The following OLA1 variants were observed in gnomAD, a reference collection of about 807,000 sequenced individuals.
OLA1 encodes the protein Obg like ATPase 1, also known as obg-like ATPase 1.
OLA1 carries 14 observed loss-of-function variants against 48.4 expected under a neutral mutation model. That is an observed-to-expected ratio of 0.29 (90% CI 0.19 to 0.45). The LOEUF is 0.45. Ranked by LOEUF, OLA1 falls within the 20% of genes least tolerant of loss-of-function variation. OLA1 has a pLI of 1.00. For missense variants in OLA1, 325 were observed against 467.1 expected (o/e 0.70, Z 2.80); for synonymous variants, 127 against 150.4 (o/e 0.84, Z 1.14).
intron 4 of OLA1, among the ~76,000 whole-genome samples, chr2:174,158,605 A>C (rs1290602777): frequency 1.3e-5 from 2 of 152,180 alleles, no homozygotes; most frequent in Admixed American, 6.5e-5. Context: ...CATTTAATGC[A>C]TCAAGGCTCT....
At chr2:174,076,562 C>G (rs1482064532) in intron 10 of OLA1, among the ~76,000 whole-genome samples, 1 of 152,050 alleles carries the variant, frequency 6.6e-6, no homozygotes, top group Non-Finnish European at 1.5e-5. Flanking sequence ...AACAAAAACA[C>G]TAATAAAGAT....
At chr2:174,095,325 G>GTTTTTTTTTTT (rs1205716344) in intron 7 of OLA1, among the ~76,000 whole-genome samples, 40 of 77,918 alleles carry the variant, frequency 5.1e-4, no homozygotes, top group African/African-American at 6.0e-4. Flanking sequence ...GTTATTTCCT[G>GTTTTTTTTTTT]TTTTTTTTTT....
At position 174,162,082 on chromosome 2, in the gene OLA1, T is replaced by C. The variant is rs373271286; in HGVS notation, c.374-20082A>G. 3.9e-5 allele frequency among the ~76,000 whole-genome samples: 6 copies of C among 152,184 alleles called. No homozygotes were observed. The East Asian group carries it at 1.2e-3, about 29-fold the overall frequency. On this transcript the variant is annotated intron_variant, in intron 4 of 10. Coordinates refer to ENST00000284719, the MANE Select transcript of OLA1 (RefSeq NM_013341.5). ...GTGAGCAAAAGGGGGACAGACGAAG[T>C]TCACAGAGGATATGGACCTTAAAGG...
At chr2:174,134,012 T>C (rs1296138622) in intron 5 of OLA1, among the ~76,000 whole-genome samples, 1 of 152,238 alleles carries the variant, frequency 6.6e-6, no homozygotes, top group Non-Finnish European at 1.5e-5. Context: ...GAACACTTCA[T>C]ATATATGGAA....
chr2:174,082,862 T>C (rs540639570), intron 7 of OLA1, among the ~76,000 whole-genome samples: 2 of 152,138 alleles, frequency 1.3e-5, no homozygotes, highest in South Asian at 4.1e-4. Context: ...ATGAAATAAG[T>C]GTAGTGAATA....
chr2:174,246,692 C>T lies in OLA1; in HGVS notation c.101+23G>A, dbSNP rs767993827. Reference sequence around the variant, plus strand: ...CAAAATATTTACAAAATGAAAATCACAAAAGCCCCAACGTTCACCTACCCA... The same window carrying T: ...CAAAATATTTACAAAATGAAAATCATAAAAGCCCCAACGTTCACCTACCCA... On this transcript the variant is annotated intron_variant, in intron 2 of 10. Coordinates refer to ENST00000284719, the MANE Select transcript of OLA1 (RefSeq NM_013341.5). The T allele has an allele frequency of 5.5e-6, 8 of 1,449,086 alleles. No individual in the cohort carries two copies. In the Admixed American group the frequency reaches 1.4e-4, roughly 26 times the overall value. The allele number at this position is 1,449,086 out of a possible 1,614,324, so 89.8% of individuals were successfully genotyped here. A position where few individuals can be genotyped will look rare whatever the true frequency, so the allele number is the denominator to read the frequency against.
intron 7 of OLA1, among the ~76,000 whole-genome samples, chr2:174,103,239 G>A (rs1298833962): frequency 1.3e-5 from 2 of 152,100 alleles, no homozygotes; most frequent in South Asian, 2.1e-4. Flanking sequence ...GCAAATCACT[G>A]CACATATTTT....
intron 7 of OLA1, among the ~76,000 whole-genome samples, chr2:174,101,168 T>G (rs1303515869): frequency 6.6e-6 from 1 of 152,214 alleles, no homozygotes; most frequent in African/African-American, 2.4e-5. Flanking sequence ...TTGTTCCCCT[T>G]CCTTATCCAC....
chr2:174,120,233 C>T (rs919941801), intron 7 of OLA1, among the ~76,000 whole-genome samples: 1 of 152,046 alleles, frequency 6.6e-6, no homozygotes, highest in Admixed American at 6.6e-5. Flanking sequence ...CCTAATTAAG[C>T]AGTAGTTTGA....
chr2:174,126,747 G>GT (rs1201798194), intron 5 of OLA1, among the ~76,000 whole-genome samples: 1 of 152,170 alleles, frequency 6.6e-6, no homozygotes, highest in African/African-American at 2.4e-5. Context: ...CTCAATAAAT[G>GT]TGAGTAGTTG....
chr2:174,181,290 A>G (rs879824986), intron 4 of OLA1, among the ~76,000 whole-genome samples: 4 of 152,188 alleles, frequency 2.6e-5, no homozygotes, highest in Non-Finnish European at 5.9e-5. Context: ...ATCGAATGTG[A>G]AGAAGTGGAG....
intron 4 of OLA1, among the ~76,000 whole-genome samples, chr2:174,144,951 A>AAATATATAT (rs1181030817): frequency 5.0e-5 from 2 of 40,296 alleles, no homozygotes; most frequent in African/African-American, 1.0e-4. Context: ...AAAAAAAAAA[A>AAATATATAT]ATATATATAT....
intron 4 of OLA1, among the ~76,000 whole-genome samples, chr2:174,185,003 A>G (rs1687622218): frequency 6.6e-6 from 1 of 152,228 alleles, no homozygotes; most frequent in Non-Finnish European, 1.5e-5. Context: ...CTATGGCTTA[A>G]CAAACAGAAA....
Position 174,138,145 on chromosome 2 carries a change from A to T in OLA1, c.549+3680T>A, listed in dbSNP as rs541327328. Among the ~76,000 whole-genome samples, 3 of 152,396 alleles carry T rather than the reference A, an allele frequency of 2.0e-5. No individual in the cohort carries two copies. In the South Asian group the frequency reaches 6.2e-4, roughly 32 times the overall value. ...CACAACTTGGCTAACGTGGTGCAAA[A>T]GACCTGGCTTTCAGCCTATCTTAGC... is the stretch of plus-strand genomic sequence containing the variant. On this transcript the variant is annotated intron_variant, in intron 5 of 10. Coordinates refer to ENST00000284719, the MANE Select transcript of OLA1 (RefSeq NM_013341.5).
chr2:174,217,807 A>G (rs996487138), intron 4 of OLA1: 1 of 152,208 alleles, frequency 6.6e-6, no homozygotes, highest in African/African-American at 2.4e-5. Context: ...TCTTCCACTC[A>G]GCATAATTAT....
chr2:174,098,261 C>T (rs368989744), intron 7 of OLA1, among the ~76,000 whole-genome samples: 1 of 152,126 alleles, frequency 6.6e-6, no homozygotes, highest in Non-Finnish European at 1.5e-5. Context: ...ACGAGCAGTA[C>T]GCATGCAACC....
intron 7 of OLA1, among the ~76,000 whole-genome samples, chr2:174,098,239 A>G (rs928616061): frequency 1.3e-5 from 2 of 152,242 alleles, no homozygotes; most frequent in Non-Finnish European, 2.9e-5. Flanking sequence ...TTTACTCTAT[A>G]TACTTTTCCC....
intron 4 of OLA1, among the ~76,000 whole-genome samples, chr2:174,180,301 C>T (rs969630703): frequency 2.6e-5 from 4 of 152,080 alleles, no homozygotes; most frequent in Non-Finnish European, 5.9e-5. Flanking sequence ...CATTTCTATT[C>T]TTATCAATAG....
chr2:174,244,839 C>T (rs1433502656), intron 2 of OLA1, among the ~76,000 whole-genome samples: 1 of 151,990 alleles, frequency 6.6e-6, no homozygotes, highest in Non-Finnish European at 1.5e-5. Flanking sequence ...GCCATGTTGG[C>T]CAGGCTGGTT....
Sources: allele counts gnomAD v4.1 joint callset (sites outside exome capture counted in the v4.1 genomes callset), GRCh38; gene constraint gnomAD v4.1.1; transcripts MANE v1.5; gene names NCBI Gene and HGNC (gene_info 2026-07-23, HGNC 2026-07-21).